The following ACAN variants were observed in gnomAD, a reference collection of about 807,000 sequenced individuals.
ACAN encodes the protein aggrecan.
ACAN carries 47 observed loss-of-function variants against 169.1 expected under a neutral mutation model. The ratio of observed to expected loss-of-function variants is 0.28; its 90% confidence interval spans 0.22 to 0.35. The LOEUF is 0.35. ACAN is among the 10% of genes least tolerant of loss of function. The probability of loss-of-function intolerance (pLI) is 1.00; values close to 1 mark genes in which losing one functional copy is unlikely to be tolerated. For missense variants in ACAN, 2,716 were observed against 2,759.9 expected (o/e 0.98, Z 0.36); for synonymous variants, 1,115 against 1,112.2 (o/e 1.00, Z -0.05).
rs1186135352 is a variant in ACAN, at chr15:88,860,352, C to A, written c.6859C>A (p.Pro2287Thr). Residue 2287 changes from proline to threonine, a missense_variant, in exon 13 of 19, where the codon CCC becomes ACC. Physicochemically the swap from Pro to Thr is conservative, Grantham distance 38 (BLOSUM62 -1). Around this residue, in one of 3 missense-constraint regions of ACAN, gnomAD observed 1,389 missense variants for 1,363.7 expected, o/e 1.02. Coordinates refer to ENST00000560601, the MANE Select transcript of ACAN (RefSeq NM_001369268.1). ...CCCCGCCAGGTCCTGTGCAGAGGAG[C>A]CCTGTGGAGCTGGGACCTGCAAGGA... ...AAPARSCAEE[P>T]CGAGTCKETE... 1 of 1,612,972 alleles carries A rather than the reference C, an allele frequency of 6.2e-7. No homozygotes were observed. The highest frequency in any genetic ancestry group is 8.5e-7 in the Non-Finnish European group (1 of 1,179,642).
Position 88,848,096 on chromosome 15 carries a change from T to G in ACAN, c.1732+58T>G. 4 of 1,593,742 alleles carry G rather than the reference T, an allele frequency of 2.5e-6. No homozygotes were observed. In the Admixed American group the frequency reaches 6.7e-5, roughly 27 times the overall value. On this transcript the variant is annotated intron_variant, in intron 9 of 18. Coordinates refer to ENST00000560601, the MANE Select transcript of ACAN (RefSeq NM_001369268.1). ...GATGGGCAGGGGGTGGGCAGGGAGC[T>G]GACAGGGCGATACAAAGAAGAGAGG...
At position 88,855,540 on chromosome 15, in the gene ACAN, T is replaced by C. The variant is rs759634656; in HGVS notation, c.2955T>C (p.Thr985=). The C allele has an allele frequency of 9.3e-6, 15 of 1,612,688 alleles. No individual in the cohort carries two copies. In the Middle Eastern group the frequency reaches 5.1e-4, roughly 55 times the overall value. Residue 985 remains threonine (T), a synonymous_variant, in exon 12 of 19, where the codon ACT becomes ACC. Coordinates refer to ENST00000560601, the MANE Select transcript of ACAN (RefSeq NM_001369268.1). ...GLPSGEVLET[T]APGVEDISGL... ...CTTCTGGAGAAGTTCTAGAGACCAC[T>C]GCCCCTGGAGTAGAGGACATCAGCG...
At position 88,851,635 on chromosome 15, in the gene ACAN, C is replaced by T. The variant is rs569217270; in HGVS notation, c.2027-159C>T. 1.8e-5 allele frequency: 14 copies of T among 770,374 alleles called. No individual in the cohort carries two copies. Among genetic ancestry groups the T allele is most frequent in the Admixed American group, 5.9e-5 (2 of 33,914 alleles). The allele number at this position is 770,374 out of a possible 1,614,324, so 47.7% of individuals were successfully genotyped here. On this transcript the variant is annotated intron_variant, in intron 10 of 18. Coordinates refer to ENST00000560601, the MANE Select transcript of ACAN (RefSeq NM_001369268.1). The surrounding 1 kb of genome is among the most constrained non-coding windows in gnomAD (Gnocchi z 4.3). ...CATATGGATATTATATCATTGGTGC[C>T]GATGGCTCTTACTAAGCGAGAAGGC... is the stretch of plus-strand genomic sequence containing the variant.
At chr15:88,841,923 CCTCCCCAT>C in intron 5 of ACAN, 56 bp downstream of exon 5, 1 of 1,605,386 alleles carries the variant, frequency 6.2e-7, no homozygotes, top group Non-Finnish European at 8.5e-7. Flanking sequence ...GCCACCTTCC[CCTCCCCAT>C]CTCCCCACTG....
At chr15:88,841,295 C>T (rs1367981780) in intron 4 of ACAN, among the ~76,000 whole-genome samples, 5 of 152,324 alleles carry the variant, frequency 3.3e-5, no homozygotes, top group Middle Eastern at 3.4e-3. Flanking sequence ...ACATGAGACT[C>T]AAATGATATA....
At chr15:88,865,798 A>C (rs758720385) in intron 13 of ACAN, among the ~76,000 whole-genome samples, 1 of 152,236 alleles carries the variant, frequency 6.6e-6, no homozygotes, top group Non-Finnish European at 1.5e-5. Context: ...ATGCAGGGCC[A>C]GAACGGCCCT....
In ACAN at chr15:88,858,002, G is replaced by A. The variant is rs1385354905; in HGVS notation, c.5417G>A (p.Ser1806Asn). 1 of 1,613,884 alleles carries A rather than the reference G, an allele frequency of 6.2e-7. No individual in the cohort carries two copies. The highest frequency in any genetic ancestry group is 8.5e-7 in the Non-Finnish European group (1 of 1,179,900). Residue 1806 changes from serine to asparagine, a missense_variant, in exon 12 of 19, where the codon AGT becomes AAT. Around this residue, in one of 3 missense-constraint regions of ACAN, gnomAD observed 1,389 missense variants for 1,363.7 expected, o/e 1.02. Coordinates refer to ENST00000560601, the MANE Select transcript of ACAN (RefSeq NM_001369268.1). This position sits in a 1 kb window ranked among gnomAD's most constrained non-coding sequence, Gnocchi z 4.0. ...CAGCCTTCAGGGTTACCAGGGTTCA[G>A]TGGGGCAACATCAGGAGTCCCTGAC... ...SGQPSGLPGF[S>N]GATSGVPDLV...
chr15:88,838,603 G>T lies in ACAN; in HGVS notation c.71-60G>T. ...CATTGCTGGAAGGATGGATGGGGAG[G>T]CGGGGTGGTCCTCTCTAGGCACTAA... On this transcript the variant is annotated intron_variant, in intron 2 of 18. Transcript: ENST00000560601. This position sits in a 1 kb window ranked among gnomAD's most constrained non-coding sequence, Gnocchi z 5.1. 1.6e-5 allele frequency: 25 copies of T among 1,519,602 alleles called. No individual in the cohort carries two copies. The highest frequency in any genetic ancestry group is 2.2e-5 in the Non-Finnish European group (25 of 1,129,756). 94.1% of individuals were successfully genotyped at this position (1,519,602 alleles called of 1,614,324 possible).
intron 1 of ACAN, among the ~76,000 whole-genome samples, chr15:88,834,220 AC>A (rs1896441829): frequency 6.6e-6 from 1 of 152,222 alleles, no homozygotes; most frequent in South Asian, 2.1e-4. Context: ...TGTGAGGATG[AC>A]GTGCCTCATG....
At chr15:88,863,185 T>A (rs1467441403) in intron 13 of ACAN, among the ~76,000 whole-genome samples, 1 of 152,158 alleles carries the variant, frequency 6.6e-6, no homozygotes, top group Non-Finnish European at 1.5e-5. Context: ...TCTTTTTTAG[T>A]CAATCTTCCA....
At position 88,857,513 on chromosome 15, in the gene ACAN, C is replaced by A; in HGVS notation, c.4928C>A (p.Pro1643His). Reference sequence around the variant, plus strand: ...GGGGTGGACCTTGGAAGTGGCCCACCCTCTGGCCTGCCTGACTTTAGTGGA... The same window carrying A: ...GGGGTGGACCTTGGAAGTGGCCCACACTCTGGCCTGCCTGACTTTAGTGGA... ...YSGVDLGSGP[P>H]SGLPDFSGLP... The change falls in exon 12 of 19, where the codon CCC becomes CAC. Residue 1643 changes from proline to histidine, a missense_variant. Physicochemically the swap from Pro to His is moderately conservative, Grantham distance 77. Transcript: ENST00000560601. 1 of 1,613,922 alleles carries A rather than the reference C, an allele frequency of 6.2e-7. No individual in the cohort carries two copies. The highest frequency in any genetic ancestry group is 8.5e-7 in the Non-Finnish European group (1 of 1,179,890).
rs1896767267 is a variant in ACAN at position 88,845,422 on chromosome 15, A to AC, written c.1052-83_1052-82insC. The AC allele has an allele frequency of 7.9e-6, 12 of 1,510,060 alleles. No individual in the cohort carries two copies. In the African/African-American group the frequency reaches 1.5e-4, roughly 19 times the overall value. The allele number at this position is 1,510,060 out of a possible 1,614,324, so 93.5% of individuals were successfully genotyped here. ...CCCCAGCAGGGAAGGAGGGGGAGCC[A>AC]TGCTCATCTCCAGCCCACTCCTCAT... On this transcript the variant is annotated intron_variant, in intron 6 of 18. Transcript: ENST00000560601.
rs1372094957 is a variant in ACAN, at chr15:88,839,324, C to T, written c.454+278C>T. Among the ~76,000 whole-genome samples, 3 of 152,160 alleles carry T rather than the reference C, an allele frequency of 2.0e-5. No homozygotes were observed. Among genetic ancestry groups the T allele is most frequent in the Non-Finnish European group, 4.4e-5 (3 of 68,022 alleles). ...ATCCGGTGGGTCTTGTGATCGTGCCCATTTTACAGACAAGCAAACTGAGGG... is the reference window on the plus strand; with the variant it reads ...ATCCGGTGGGTCTTGTGATCGTGCCTATTTTACAGACAAGCAAACTGAGGG... On this transcript the variant is annotated intron_variant, in intron 3 of 18. Coordinates refer to ENST00000560601, the MANE Select transcript of ACAN (RefSeq NM_001369268.1). The surrounding 1 kb of genome is among the most constrained non-coding windows in gnomAD (Gnocchi z 4.5).
At chr15:88,853,454 A>T (rs555987485) in intron 11 of ACAN, among the ~76,000 whole-genome samples, 1 of 152,200 alleles carries the variant, frequency 6.6e-6, no homozygotes, top group Admixed American at 6.5e-5. Flanking sequence ...CCTGGCCAAC[A>T]TGGCAAAACC....
intron 1 of ACAN, among the ~76,000 whole-genome samples, chr15:88,829,240 A>G (rs1244375793): frequency 6.6e-6 from 1 of 152,248 alleles, no homozygotes; most frequent in African/African-American, 2.4e-5. Context: ...ATATCAAAAG[A>G]GTATTGGCAG....
rs549170099 is a variant in ACAN at position 88,845,533 on chromosome 15, C to A, written c.1080C>A (p.Asn360Lys). The change falls in exon 7 of 19, where the codon AAC becomes AAA. Residue 360 changes from asparagine to lysine, a missense_variant. Physicochemically the swap from Asn to Lys is moderately conservative, Grantham distance 94 (BLOSUM62 0). Transcript: ENST00000560601. The part of the protein sequence containing the change: ...TGEDFVDIPE[N>K]FFGVGGEEDI... ...AAGACTTTGTGGACATCCCAGAAAA[C>A]TTCTTTGGAGTGGGGGGTGAGGAGG... 2 of 1,611,528 alleles carry A rather than the reference C, an allele frequency of 1.2e-6. No homozygotes were observed. The highest frequency in any genetic ancestry group is 1.7e-5 in the Admixed American group (1 of 59,944).
In ACAN at chr15:88,838,634, C is replaced by A; in HGVS notation, c.71-29C>A. On this transcript the variant is annotated intron_variant, in intron 2 of 18. Coordinates refer to ENST00000560601, the MANE Select transcript of ACAN (RefSeq NM_001369268.1). The surrounding 1 kb of genome is among the most constrained non-coding windows in gnomAD (Gnocchi z 5.1). ...TGGTCCTCTCTAGGCACTAACAGGT[C>A]TCTCTTCTACCCCACCTCTCCCACA... 3.2e-6 allele frequency: 5 copies of A among 1,550,084 alleles called. No homozygotes were observed. Among genetic ancestry groups the A allele is most frequent in the Non-Finnish European group, 4.4e-6 (5 of 1,145,304 alleles).
chr15:88,819,974 C>G (rs558872104), intron 1 of ACAN, among the ~76,000 whole-genome samples: 1 of 152,198 alleles, frequency 6.6e-6, no homozygotes, highest in East Asian at 1.9e-4. Flanking sequence ...CACTCACTGG[C>G]TGAGGGAGAT....
Position 88,874,479 on chromosome 15 carries a change from T to C in ACAN, c.7705T>C (p.Ter2569ArgextTer18). Residue 2569 changes from the stop codon to arginine, a stop_lost, in exon 19 of 19, where the codon TGA becomes CGA. Transcript: ENST00000560601. This position sits in a 1 kb window ranked among gnomAD's most constrained non-coding sequence, Gnocchi z 7.3. The part of the protein sequence containing the change: ...PRRSRPSTAH[*>R] ...GAGGAGCCGCCCCAGCACAGCCCAC[T>C]GAGAAGAGCTTCCAGGACGCACCCA... 4 of 1,599,184 alleles carry C rather than the reference T, an allele frequency of 2.5e-6. No homozygotes were observed. The highest frequency in any genetic ancestry group is 3.4e-6 in the Non-Finnish European group (4 of 1,173,384).
Sources: gnomAD v4.1 joint callset for allele counts (sites outside exome capture counted in the v4.1 genomes callset) on GRCh38, gnomAD v4.1.1 for gene constraint, gnomAD v4.1.1 regional missense constraint, Gnocchi (gnomAD v3.1) non-coding constraint, MANE v1.5 for transcripts, NCBI Gene and HGNC (gene_info 2026-07-23, HGNC 2026-07-21) for gene names.